SLIT3: variants seen among roughly 807,000 people sequenced by gnomAD.
SLIT3 encodes slit guidance ligand 3.
A neutral mutation model predicts 184.0 loss-of-function variants in SLIT3; 68 were observed. The ratio of observed to expected loss-of-function variants is 0.37; its 90% CI spans 0.30 to 0.45. The LOEUF (loss-of-function observed/expected upper bound fraction) is 0.45. Ranked by LOEUF, SLIT3 falls within the 20% of genes least tolerant of loss-of-function variation. SLIT3 has a pLI of 1.00. For synonymous variants in SLIT3, 831 were observed against 828.6 expected (o/e 1.00, Z -0.05); for missense variants, 1,707 against 2,026.0 (o/e 0.84, Z 3.02).
chr5:168,789,230 GAT>G (rs1449425612), intron 11 of SLIT3, among the ~76,000 whole-genome samples: 4 of 145,038 alleles, frequency 2.8e-5, no homozygotes, highest in East Asian at 4.3e-4. Flanking sequence ...ACACCAGAAA[GAT>G]AGCGCTGCGG....
intron 3 of SLIT3, among the ~76,000 whole-genome samples, chr5:169,227,534 T>C (rs975846353): frequency 6.6e-6 from 1 of 152,144 alleles, no homozygotes; most frequent in African/African-American, 2.4e-5. Flanking sequence ...CTCAAGTGAT[T>C]CTCCTGTCTC....
At chr5:168,824,451 C>T (rs902910036) in intron 6 of SLIT3, among the ~76,000 whole-genome samples, 7 of 152,166 alleles carry the variant, frequency 4.6e-5, no homozygotes, top group African/African-American at 1.2e-4. Context: ...GGCAAGTACC[C>T]GGGCTTACCC....
chr5:169,005,358 G>C (rs912676534), intron 4 of SLIT3, among the ~76,000 whole-genome samples: 1 of 152,212 alleles, frequency 6.6e-6, no homozygotes, highest in African/African-American at 2.4e-5. Flanking sequence ...GTAAAACAGA[G>C]AATCTAACGT....
intron 1 of SLIT3, among the ~76,000 whole-genome samples, chr5:169,256,469 GC>G (rs1765962966): frequency 6.6e-6 from 1 of 152,306 alleles, no homozygotes; most frequent in Non-Finnish European, 1.5e-5. Flanking sequence ...CTAGGTTTGT[GC>G]AAGTGCACTC....
chr5:168,673,214 C>T lies in SLIT3; in HGVS notation c.3804G>A (p.Gln1268=), dbSNP rs148316071. 2.0e-5 allele frequency: 32 copies of T among 1,613,886 alleles called. No individual in the cohort carries two copies. The African/African-American group carries it at 3.9e-4, about 20-fold the overall frequency. Residue 1268 remains glutamine, a synonymous_variant, in exon 33 of 36, where the codon CAG becomes CAA. Coordinates refer to ENST00000519560, the MANE Select transcript of SLIT3 (RefSeq NM_003062.4). ...TPKSLGKLQK[Q]PAVGINSPLY... ...GGGGGCTGTTGATGCCCACTGCTGG[C>T]TGCTTCTGGAGCTTCCCCAGGCTCT...
chr5:168,725,636 A>G (rs750648206), intron 20 of SLIT3, among the ~76,000 whole-genome samples: 2 of 152,224 alleles, frequency 1.3e-5, no homozygotes, highest in African/African-American at 2.4e-5. Flanking sequence ...ACTTCAACAT[A>G]CATGCAAATC....
intron 5 of SLIT3, among the ~76,000 whole-genome samples, chr5:168,868,488 G>A (rs991080117): frequency 2.0e-5 from 3 of 152,146 alleles, no homozygotes; most frequent in Admixed American, 6.5e-5. Flanking sequence ...AGCGGCTCAC[G>A]CCTGTAATTT....
intron 1 of SLIT3, among the ~76,000 whole-genome samples, chr5:169,296,399 C>G (rs562809563): frequency 2.0e-5 from 3 of 152,156 alleles, no homozygotes; most frequent in Non-Finnish European, 4.4e-5. Context: ...TAATGTAATC[C>G]GTTCAGAGTT....
At position 169,077,348 on chromosome 5, in the gene SLIT3, C is replaced by T. The variant is rs563744122; in HGVS notation, c.413+116131G>A. Among the ~76,000 whole-genome samples, 13 of 152,036 alleles carry T rather than the reference C, an allele frequency of 8.6e-5. No individual in the cohort carries two copies. The South Asian group carries it at 2.7e-3, about 32-fold the overall frequency. ...GTCAGGAGTTCAAGACCAGCCTGGC[C>T]AAGATGGTGAAAACCCGTCTCTACT... On this transcript the variant is annotated intron_variant, in intron 4 of 35. Transcript: ENST00000519560.
chr5:168,817,509 G>C (rs1391636373), intron 7 of SLIT3, 46 bp from the exon 8 acceptor site: 1 of 1,595,212 alleles, frequency 6.3e-7, no homozygotes, highest in Admixed American at 1.7e-5. Context: ...CAGGTGAAGT[G>C]TGGAGGCTGT....
intron 27 of SLIT3, among the ~76,000 whole-genome samples, chr5:168,699,749 T>A (rs1762161986): frequency 6.6e-6 from 1 of 152,220 alleles, no homozygotes; most frequent in Non-Finnish European, 1.5e-5. Context: ...TCAATGAAGA[T>A]AATACCTACC....
At chr5:168,683,342 C>A (rs1043986052) in intron 32 of SLIT3, among the ~76,000 whole-genome samples, 3 of 149,168 alleles carry the variant, frequency 2.0e-5, no homozygotes, top group East Asian at 4.0e-4. Context: ...TGCACTCCAG[C>A]CTGGGCAAGA....
chr5:168,965,861 G>GCT (rs1280753610), intron 4 of SLIT3, among the ~76,000 whole-genome samples: 3 of 151,824 alleles, frequency 2.0e-5, no homozygotes, highest in Non-Finnish European at 2.9e-5. Context: ...GCCAGCGCAC[G>GCT]CTCTCTCTCT....
intron 7 of SLIT3, among the ~76,000 whole-genome samples, chr5:168,820,211 C>T (rs948989291): frequency 2.6e-5 from 4 of 152,140 alleles, no homozygotes; most frequent in African/African-American, 9.7e-5. Flanking sequence ...ACAGCAACGA[C>T]ACAAGGGAGG....
chr5:169,163,144 A>G (rs1201914743), intron 4 of SLIT3, among the ~76,000 whole-genome samples: 1 of 151,994 alleles, frequency 6.6e-6, no homozygotes, highest in Non-Finnish European at 1.5e-5. Flanking sequence ...AACATAGTGA[A>G]ACCCCGCCTC....
At chr5:168,840,465 T>C (rs935594604) in intron 6 of SLIT3, among the ~76,000 whole-genome samples, 1 of 150,254 alleles carries the variant, frequency 6.7e-6, no homozygotes, top group Non-Finnish European at 1.5e-5. Context: ...TTCTGACCCA[T>C]GATGGTACGT....
At chr5:169,260,402 A>G (rs927323797) in intron 1 of SLIT3, among the ~76,000 whole-genome samples, 2 of 152,126 alleles carry the variant, frequency 1.3e-5, no homozygotes, top group Non-Finnish European at 1.5e-5. Flanking sequence ...TCTCTTCCCT[A>G]TGAGCTAAGC....
intron 4 of SLIT3, among the ~76,000 whole-genome samples, chr5:169,056,907 T>C (rs1462587646): frequency 6.6e-6 from 1 of 152,222 alleles, no homozygotes; most frequent in East Asian, 1.9e-4. Context: ...CCACAAGCTG[T>C]GTGACCTTGC....
chr5:169,089,044 A>G (rs1230984368), intron 4 of SLIT3, among the ~76,000 whole-genome samples: 2 of 145,412 alleles, frequency 1.4e-5, no homozygotes, highest in Non-Finnish European at 3.0e-5. Context: ...AAAAAAAAAA[A>G]AAAAAAAAAA....
Sources: gnomAD v4.1 joint callset for allele counts (sites outside exome capture counted in the v4.1 genomes callset) on GRCh38, gnomAD v4.1.1 for gene constraint, MANE v1.5 for transcripts, NCBI Gene and HGNC (gene_info 2026-07-23, HGNC 2026-07-21) for gene names.